Variants in KHDRBS2 observed in about 807,000 individuals in gnomAD.
The protein encoded by KHDRBS2 is KH domain-containing, RNA-binding, signal transduction-associated protein 2.
KHDRBS2 carries 26 observed loss-of-function variants against 44.3 expected under a neutral mutation model. The ratio of observed to expected loss-of-function variants is 0.59; its 90% CI spans 0.43 to 0.81. The LOEUF is 0.81. Ranked by LOEUF, KHDRBS2 falls within the 40% of genes least tolerant of loss-of-function variation. The pLI is 0.00. For synonymous variants in KHDRBS2, 194 were observed against 151.1 expected (o/e 1.28, Z -2.08); for missense variants, 476 against 433.1 (o/e 1.10, Z -0.88).
At position 62,153,646 on chromosome 6, in the gene KHDRBS2, C is replaced by T. The variant is rs560740430; in HGVS notation, c.219+23539G>A. ...GAAAAATGGCCAAATATGATCATTG[C>T]TACCTACTAGGGCCATGCTTACTTA... On this transcript the variant is annotated intron_variant, in intron 2 of 8. Transcript: ENST00000281156. Among the ~76,000 whole-genome samples, 8 of 152,180 alleles carry T rather than the reference C, an allele frequency of 5.3e-5. No homozygotes were observed. The South Asian group carries it at 1.5e-3, about 28-fold the overall frequency.
At chr6:62,177,343 G>T (rs778574101) in intron 1 of KHDRBS2, 31 bp from the exon 2 acceptor site, 41 of 1,536,258 alleles carry the variant, frequency 2.7e-5, no homozygotes, top group Non-Finnish European at 3.6e-5. Flanking sequence ...GAAAACAAGT[G>T]AAATGAGGAA....
At chr6:62,106,350 C>T (rs749568300) in intron 2 of KHDRBS2, among the ~76,000 whole-genome samples, 12 of 152,074 alleles carry the variant, frequency 7.9e-5, no homozygotes, top group South Asian at 2.1e-4. Flanking sequence ...CTTTCTGTCT[C>T]GCTGATCGGT....
At position 61,894,756 on chromosome 6, in the gene KHDRBS2, C is replaced by G. The variant is rs374827571; in HGVS notation, c.689G>C (p.Arg230Pro). The change falls in exon 6 of 9, where the codon CGT becomes CCT. Residue 230 changes from arginine to proline, a missense_variant. Arg to Pro is a moderately radical substitution (Grantham distance 103). Transcript: ENST00000281156. ...TACAGGTGGCACTGGAAGCGCTCCA[C>G]GGGTTACAGTGCTTCCCCGAGGGGT... ...VLTPRGSTVT[R>P]GALPVPPVAR... 1 of 1,613,512 alleles carries G rather than the reference C, an allele frequency of 6.2e-7. No individual in the cohort carries two copies. The highest frequency in any genetic ancestry group is 1.1e-5 in the South Asian group (1 of 90,966).
At chr6:62,258,117 T>C (rs1837712215) in intron 1 of KHDRBS2, among the ~76,000 whole-genome samples, 2 of 152,034 alleles carry the variant, frequency 1.3e-5, no homozygotes, top group Non-Finnish European at 2.9e-5. Flanking sequence ...TCTATAATGC[T>C]GTGTTTTGAT....
chr6:61,566,349 A>G, the KHDRBS2 span, among the ~76,000 whole-genome samples: 1 of 152,136 alleles, frequency 6.6e-6, no homozygotes, highest in South Asian at 2.1e-4. Context: ...ATTATAGTTA[A>G]CAATAATGCA....
intron 1 of KHDRBS2, among the ~76,000 whole-genome samples, chr6:62,268,224 C>T (rs1473141805): frequency 6.6e-6 from 1 of 152,012 alleles, no homozygotes; most frequent in Non-Finnish European, 1.5e-5. Context: ...CCCATAAAAA[C>T]ATACTTCTTT....
chr6:62,261,596 T>C (rs372101696), intron 1 of KHDRBS2, among the ~76,000 whole-genome samples: 1 of 151,858 alleles, frequency 6.6e-6, no homozygotes, highest in African/African-American at 2.4e-5. Context: ...AGTGGCAGCA[T>C]TAGCCAGCAA....
intron 1 of KHDRBS2, among the ~76,000 whole-genome samples, chr6:62,234,089 C>T (rs963588580): frequency 6.6e-6 from 1 of 151,892 alleles, no homozygotes; most frequent in African/African-American, 2.4e-5. Context: ...AAACTAAATT[C>T]CAGATTGATA....
At chr6:62,158,437 TC>T (rs1480449987) in intron 2 of KHDRBS2, among the ~76,000 whole-genome samples, 2 of 152,136 alleles carry the variant, frequency 1.3e-5, no homozygotes, top group Non-Finnish European at 2.9e-5. Context: ...TTATGAAACT[TC>T]CCACTGGTCA....
At chr6:62,212,277 T>C (rs894922433) in intron 1 of KHDRBS2, among the ~76,000 whole-genome samples, 1 of 151,856 alleles carries the variant, frequency 6.6e-6, no homozygotes, top group African/African-American at 2.4e-5. Context: ...CACACACATA[T>C]GAAATACATA....
At chr6:62,154,373 C>T (rs1815906795) in intron 2 of KHDRBS2, among the ~76,000 whole-genome samples, 2 of 152,094 alleles carry the variant, frequency 1.3e-5, no homozygotes, top group Non-Finnish European at 2.9e-5. Context: ...AAAAAGGAAA[C>T]AAAATTCCCT....
At chr6:61,974,399 A>C (rs1395256977) in intron 4 of KHDRBS2, among the ~76,000 whole-genome samples, 1 of 134,410 alleles carries the variant, frequency 7.4e-6, no homozygotes, top group Non-Finnish European at 1.7e-5. Context: ...TCTTTATAGA[A>C]TATAAAGAGA....
chr6:61,713,354 T>C (rs959734578), intron 7 of KHDRBS2, among the ~76,000 whole-genome samples: 1 of 151,738 alleles, frequency 6.6e-6, no homozygotes, highest in African/African-American at 2.4e-5. Context: ...AAATAATATC[T>C]GTATCTTCTT....
At chr6:61,867,731 T>C (rs1562334722) in intron 6 of KHDRBS2, among the ~76,000 whole-genome samples, 1 of 152,192 alleles carries the variant, frequency 6.6e-6, no homozygotes, top group African/African-American at 2.4e-5. Flanking sequence ...CCATCTGCTC[T>C]AGACCTTAGT....
intron 2 of KHDRBS2, among the ~76,000 whole-genome samples, chr6:62,163,750 G>C (rs1312445501): frequency 6.6e-6 from 1 of 151,814 alleles, no homozygotes; most frequent in African/African-American, 2.4e-5. Flanking sequence ...ATATATTGGG[G>C]GGCTTTAGGA....
intron 2 of KHDRBS2, among the ~76,000 whole-genome samples, chr6:62,071,109 C>A (rs1315220583): frequency 1.3e-5 from 2 of 152,080 alleles, no homozygotes; most frequent in African/African-American, 4.8e-5. Flanking sequence ...GCATTTTTTT[C>A]ATGTGTCTTT....
At chr6:61,863,008 A>C (rs1369266622) in intron 6 of KHDRBS2, among the ~76,000 whole-genome samples, 2 of 152,048 alleles carry the variant, frequency 1.3e-5, no homozygotes, top group African/African-American at 2.4e-5. Flanking sequence ...TTCCTGATTC[A>C]GTCTTGGGAG....
intron 1 of KHDRBS2, among the ~76,000 whole-genome samples, chr6:62,246,075 A>C (rs1283758472): frequency 1.4e-5 from 2 of 143,588 alleles, no homozygotes; most frequent in African/African-American, 2.6e-5. Context: ...TGAGTTCTAC[A>C]GCATAGAAAC....
At chr6:61,954,151 T>C (rs112204015) in intron 4 of KHDRBS2, among the ~76,000 whole-genome samples, 2,030 of 152,134 alleles carry the variant, frequency 0.013, 49 homozygotes, top group African/African-American at 0.046. Flanking sequence ...TTCAGTAGTA[T>C]GTCATTGTTT....
Sources: gnomAD v4.1 joint callset for allele counts (sites outside exome capture counted in the v4.1 genomes callset) on GRCh38, gnomAD v4.1.1 for gene constraint, MANE v1.5 for transcripts, NCBI Gene and HGNC (gene_info 2026-07-23, HGNC 2026-07-21) for gene names.